SRPK2: variants seen among roughly 807,000 people sequenced by gnomAD.
SRPK2 encodes the protein SFRS protein kinase 2.
Under a neutral mutation model 90.8 loss-of-function variants are expected in SRPK2, and 21 were observed. The ratio of observed to expected loss-of-function variants is 0.23; its 90% CI spans 0.16 to 0.33. The LOEUF (loss-of-function observed/expected upper bound fraction) is 0.33. SRPK2 is among the 10% of genes least tolerant of loss of function. The pLI, the probability that SRPK2 is intolerant of heterozygous loss-of-function variation, is 1.00. For synonymous variants in SRPK2, 288 were observed against 311.1 expected, an observed-to-expected ratio of 0.93 and a Z score of 0.78; for missense variants, 620 against 869.0, an observed-to-expected ratio of 0.71 and a Z score of 3.60.
At chr7:105,299,786 T>C (rs9641348) in intron 2 of SRPK2, among the ~76,000 whole-genome samples, 25,309 of 151,784 alleles carry the variant, frequency 0.17, 2,727 homozygotes, top group East Asian at 0.58. Context: ...CTCAGCTACC[T>C]GGGAGGCTGA....
intron 2 of SRPK2, among the ~76,000 whole-genome samples, chr7:105,208,560 A>G (rs904025824): frequency 6.6e-6 from 1 of 152,160 alleles, no homozygotes; most frequent in Non-Finnish European, 1.5e-5. Context: ...ATGATCTTCC[A>G]TTTTCCATCA....
At chr7:105,215,915 G>A (rs948282440) in intron 2 of SRPK2, among the ~76,000 whole-genome samples, 2 of 152,020 alleles carry the variant, frequency 1.3e-5, no homozygotes, top group Admixed American at 6.6e-5. Context: ...AGAGGGCTGG[G>A]TGCAGCTGCA....
chr7:105,233,063 C>A (rs112069076), intron 2 of SRPK2, among the ~76,000 whole-genome samples: 1 of 116,976 alleles, frequency 8.5e-6, no homozygotes, highest in African/African-American at 3.5e-5. Flanking sequence ...AGGGAGGGAG[C>A]AAGGAAGGAA....
chr7:105,175,940 C>T (rs1791785514), intron 3 of SRPK2, among the ~76,000 whole-genome samples: 2 of 152,046 alleles, frequency 1.3e-5, no homozygotes, highest in South Asian at 4.2e-4. Context: ...CAAATTCCTC[C>T]TAAAAAGTAA....
chr7:105,374,117 G>A (rs1057455648), intron 2 of SRPK2, among the ~76,000 whole-genome samples: 2 of 151,924 alleles, frequency 1.3e-5, no homozygotes, highest in South Asian at 2.1e-4. Context: ...AGTAGAGACG[G>A]GGTTTCACCA....
chr7:105,257,380 C>G (rs1163589939), intron 2 of SRPK2, among the ~76,000 whole-genome samples: 1 of 152,202 alleles, frequency 6.6e-6, no homozygotes, highest in Non-Finnish European at 1.5e-5. Context: ...TCATCATAAT[C>G]TACATTGCTG....
At chr7:105,197,641 T>C (rs1795078598) in intron 3 of SRPK2, among the ~76,000 whole-genome samples, 1 of 152,108 alleles carries the variant, frequency 6.6e-6, no homozygotes, top group South Asian at 2.1e-4. Flanking sequence ...AAGGGAACCT[T>C]TCAGACTAGA....
chr7:105,192,641 T>C (rs1038855935), intron 3 of SRPK2, among the ~76,000 whole-genome samples: 3 of 152,240 alleles, frequency 2.0e-5, no homozygotes, highest in Non-Finnish European at 4.4e-5. Flanking sequence ...CCATAGTGGC[T>C]GTACTACTGT....
rs373408051 is a variant in SRPK2, at chr7:105,117,602, T to C, written c.*236A>G. On this transcript the variant is annotated 3_prime_UTR_variant, in exon 16 of 16. Transcript: ENST00000393651. Reference sequence around the variant, plus strand: ...CAAGAAACAATGCTTAGAGACATGTTATTGTTTCCAGAAGAAAATGGTCAG... The same window carrying C: ...CAAGAAACAATGCTTAGAGACATGTCATTGTTTCCAGAAGAAAATGGTCAG... 2.4e-4 allele frequency: 132 copies of C among 538,934 alleles called. 1 individual carries two copies. Among genetic ancestry groups the C allele is most frequent in the East Asian group, 1.8e-3 (56 of 31,236 alleles). 33.4% of individuals were successfully genotyped at this position (538,934 alleles called of 1,614,324 possible).
intron 2 of SRPK2, among the ~76,000 whole-genome samples, chr7:105,231,495 C>G (rs971303057): frequency 6.6e-6 from 1 of 152,184 alleles, no homozygotes; most frequent in African/African-American, 2.4e-5. Flanking sequence ...CACCATACTG[C>G]TTTCCACAGT....
intron 2 of SRPK2, among the ~76,000 whole-genome samples, chr7:105,290,032 A>G (rs998852577): frequency 6.6e-6 from 1 of 152,138 alleles, no homozygotes; most frequent in Non-Finnish European, 1.5e-5. Flanking sequence ...AGCATGTATC[A>G]ACTAAACTCA....
At chr7:105,125,086 C>T (rs1397020598) in intron 15 of SRPK2, among the ~76,000 whole-genome samples, 5 of 146,880 alleles carry the variant, frequency 3.4e-5, no homozygotes, top group African/African-American at 5.0e-5. Flanking sequence ...GCTAAGATTG[C>T]GCCACTCCAC....
intron 7 of SRPK2, among the ~76,000 whole-genome samples, chr7:105,149,928 C>T (rs530130662): frequency 4.6e-5 from 7 of 152,226 alleles, no homozygotes; most frequent in African/African-American, 1.7e-4. Flanking sequence ...CTATCACATG[C>T]CATTATTCCA....
intron 2 of SRPK2, among the ~76,000 whole-genome samples, chr7:105,350,251 C>T (rs1310275928): frequency 1.3e-5 from 2 of 149,224 alleles, no homozygotes; most frequent in African/African-American, 2.5e-5. Context: ...CCAGCCTCAG[C>T]CACCCGAGTA....
intron 2 of SRPK2, among the ~76,000 whole-genome samples, chr7:105,339,546 C>A (rs1380954941): frequency 6.6e-6 from 1 of 152,182 alleles, no homozygotes; most frequent in Admixed American, 6.5e-5. Flanking sequence ...GAACAGCAGT[C>A]CTGAACACTG....
At position 105,334,859 on chromosome 7, in the gene SRPK2, A is replaced by T. The variant is rs557789658; in HGVS notation, c.71+53789T>A. 6.9e-4 allele frequency among the ~76,000 whole-genome samples: 104 copies of T among 150,664 alleles called. 3 individuals carry two copies. Among genetic ancestry groups the T allele is most frequent in the African/African-American group, 2.4e-3 (99 of 40,426 alleles). The stretch of plus-strand genomic sequence containing the variant: ...CAAAAAAAAAAAAAACAAAAAAAAA[A>T]TTAATTAACTTAAAGAACACTACTT... On this transcript the variant is annotated intron_variant, in intron 2 of 15. Coordinates refer to ENST00000393651, the MANE Select transcript of SRPK2 (RefSeq NM_182692.3).
chr7:105,133,013 A>G lies in SRPK2; in HGVS notation c.1635T>C (p.Ala545=), dbSNP rs764141097. 59 of 1,614,064 alleles carry G rather than the reference A, an allele frequency of 3.7e-5. No individual in the cohort carries two copies. Among genetic ancestry groups the G allele is most frequent in the Non-Finnish European group, 4.9e-5 (58 of 1,180,020 alleles). The change falls in exon 12 of 16, where the codon GCT becomes GCC. Residue 545 remains alanine (A), a synonymous_variant. Transcript: ENST00000393651. The part of the protein sequence containing the change: ...IRVKIADLGN[A]CWVHKHFTED... ...AGAAAACTCTACTTACCACCCAACA[A>G]GCATTTCCCAGGTCAGCAATTTTTA...
At position 105,327,642 on chromosome 7, in the gene SRPK2, G is replaced by A. The variant is rs540284709; in HGVS notation, c.71+61006C>T. Among the ~76,000 whole-genome samples the A allele has an allele frequency of 1.3e-4, 20 of 152,316 alleles. No homozygotes were observed. The South Asian group carries it at 3.7e-3, about 28-fold the overall frequency. ...TAACAAGATAACAAGATGCTGAAGG[G>A]TGAGGCCCACATGTCCTGGTTTATT... On this transcript the variant is annotated intron_variant, in intron 2 of 15. Coordinates refer to ENST00000393651, the MANE Select transcript of SRPK2 (RefSeq NM_182692.3).
At chr7:105,396,166 C>T (rs926481392) in intron 1 of SRPK2, among the ~76,000 whole-genome samples, 5 of 151,808 alleles carry the variant, frequency 3.3e-5, no homozygotes, top group Admixed American at 1.3e-4. Flanking sequence ...CTGCCTGCCT[C>T]GACCTCTCAA....
Sources: gnomAD v4.1 joint callset for allele counts (sites outside exome capture counted in the v4.1 genomes callset) on GRCh38, gnomAD v4.1.1 for gene constraint, MANE v1.5 for transcripts, NCBI Gene and HGNC (gene_info 2026-07-23, HGNC 2026-07-21) for gene names.